The following SUPT3H variants were observed in gnomAD, a reference collection of about 807,000 sequenced individuals.
SUPT3H encodes the protein SPT3 homolog, SAGA and STAGA complex component.
Under a neutral mutation model 44.3 loss-of-function variants are expected in SUPT3H, and 44 were observed. The ratio of observed to expected loss-of-function variants is 0.99; its 90% CI spans 0.78 to 1.28. The LOEUF is 1.28. Among genes scored for constraint, SUPT3H ranks in the 50% most tolerant of loss-of-function variants. The pLI, the probability that SUPT3H is intolerant of heterozygous loss-of-function variation, is 0.00. For synonymous variants in SUPT3H, 124 were observed against 125.6 expected (o/e 0.99, Z 0.09); for missense variants, 380 against 387.1 (o/e 0.98, Z 0.15).
At chr6:45,297,263 T>C (rs1781453143) in intron 2 of SUPT3H, among the ~76,000 whole-genome samples, 1 of 152,092 alleles carries the variant, frequency 6.6e-6, no homozygotes, top group East Asian at 1.9e-4. Context: ...TTGTCTTAGG[T>C]GCAGATTTAT....
intron 6 of SUPT3H, among the ~76,000 whole-genome samples, chr6:44,967,032 A>G (rs1044256112): frequency 1.3e-5 from 2 of 152,218 alleles, no homozygotes; most frequent in African/African-American, 4.8e-5. Flanking sequence ...GGTGTCATCA[A>G]CAGCATTCTT....
intron 3 of SUPT3H, among the ~76,000 whole-genome samples, chr6:45,045,028 C>G (rs955910544): frequency 6.6e-6 from 1 of 152,062 alleles, no homozygotes; most frequent in South Asian, 2.1e-4. Context: ...AAAAGAGTGA[C>G]CAACTCCATC....
chr6:45,061,937 G>C (rs540221936), intron 3 of SUPT3H, among the ~76,000 whole-genome samples: 201 of 91,390 alleles, frequency 2.2e-3, no homozygotes, highest in African/African-American at 8.2e-3. Flanking sequence ...AATTCTAATT[G>C]AAAGGTATTA....
intron 6 of SUPT3H, among the ~76,000 whole-genome samples, chr6:44,973,103 C>T (rs532519058): frequency 6.6e-6 from 1 of 152,282 alleles, no homozygotes; most frequent in African/African-American, 2.4e-5. Flanking sequence ...GCAAATTTTC[C>T]AAAGTTTTAT....
chr6:45,290,173 C>T (rs1218029931), intron 2 of SUPT3H, among the ~76,000 whole-genome samples: 2 of 151,758 alleles, frequency 1.3e-5, no homozygotes, highest in Non-Finnish European at 2.9e-5. Flanking sequence ...GAGTGAGACC[C>T]CGTCTCAAAA....
At chr6:45,329,626 T>C (rs1787053301) in intron 2 of SUPT3H, among the ~76,000 whole-genome samples, 1 of 151,914 alleles carries the variant, frequency 6.6e-6, no homozygotes. Flanking sequence ...TAACTGCTGT[T>C]TAGTCTCATG....
chr6:44,821,147 C>T (rs1028088670), intron 11 of SUPT3H, among the ~76,000 whole-genome samples: 6 of 151,958 alleles, frequency 3.9e-5, no homozygotes, highest in East Asian at 1.9e-4. Context: ...CACTGTGGCC[C>T]GGTCTGAGAA....
rs1794214106 is a variant in SUPT3H, at chr6:45,361,299, G to T, written c.101+3902C>A. 2.0e-5 allele frequency among the ~76,000 whole-genome samples: 3 copies of T among 151,942 alleles called. No individual in the cohort carries two copies. The South Asian group carries it at 6.2e-4, about 32-fold the overall frequency. ...TAAACAAGATTTTTTCAATGTTATTGCTATTTATCCCCAAAACTCCCAATT... is the reference window on the plus strand; with the variant it reads ...TAAACAAGATTTTTTCAATGTTATTTCTATTTATCCCCAAAACTCCCAATT... On this transcript the variant is annotated intron_variant, in intron 2 of 10. Coordinates refer to ENST00000371459, the MANE Select transcript of SUPT3H (RefSeq NM_003599.4).
At chr6:45,321,922 T>A in intron 2 of SUPT3H, 5 of 1,228,582 alleles carry the variant, frequency 4.1e-6, no homozygotes, top group Non-Finnish European at 5.7e-6. Flanking sequence ...TCACCTTAGA[T>A]GGTTAAAACA....
At chr6:44,994,597 C>G (rs1407516711) in intron 6 of SUPT3H, among the ~76,000 whole-genome samples, 1 of 152,102 alleles carries the variant, frequency 6.6e-6, no homozygotes, top group East Asian at 1.9e-4. Flanking sequence ...TTTCATCCTA[C>G]TAGCTACTGC....
intron 2 of SUPT3H, among the ~76,000 whole-genome samples, chr6:45,176,652 C>T (rs1397612654): frequency 8.1e-5 from 12 of 148,428 alleles, no homozygotes; most frequent in African/African-American, 2.7e-4. Context: ...ACAGCAGTAA[C>T]CTCTGCAGAC....
intron 3 of SUPT3H, among the ~76,000 whole-genome samples, chr6:45,059,882 T>C (rs1397749312): frequency 6.6e-6 from 1 of 152,056 alleles, no homozygotes; most frequent in East Asian, 1.9e-4. Context: ...GGAATATAGC[T>C]AACAAGGGAA....
At chr6:44,933,328 C>A (rs1337153747) in intron 9 of SUPT3H, among the ~76,000 whole-genome samples, 4 of 151,874 alleles carry the variant, frequency 2.6e-5, no homozygotes, top group African/African-American at 9.7e-5. Context: ...TTTAATTTGC[C>A]GCATCTGTAA....
chr6:44,877,660 C>G (rs1404201674), intron 10 of SUPT3H, among the ~76,000 whole-genome samples: 3 of 152,156 alleles, frequency 2.0e-5, no homozygotes, highest in African/African-American at 4.8e-5. Context: ...GTGTGTGTAT[C>G]TATATATCTA....
At chr6:45,216,529 A>G (rs1054717728) in intron 2 of SUPT3H, among the ~76,000 whole-genome samples, 2 of 152,228 alleles carry the variant, frequency 1.3e-5, no homozygotes, top group African/African-American at 4.8e-5. Flanking sequence ...TTATTTTGAA[A>G]AAGATGCAAA....
At chr6:44,960,337 G>A (rs1000975141) in intron 7 of SUPT3H, among the ~76,000 whole-genome samples, 1 of 150,626 alleles carries the variant, frequency 6.6e-6, no homozygotes, top group African/African-American at 2.4e-5. Flanking sequence ...GAACCCAGGA[G>A]GAGGAGGAGG....
intron 3 of SUPT3H, among the ~76,000 whole-genome samples, chr6:45,073,465 A>G (rs1794647901): frequency 6.6e-6 from 1 of 152,030 alleles, no homozygotes; most frequent in Non-Finnish European, 1.5e-5. Flanking sequence ...TCAAAACTCA[A>G]ATCCAAAAAT....
At chr6:45,279,538 C>T (rs573562912) in intron 2 of SUPT3H, among the ~76,000 whole-genome samples, 1 of 152,254 alleles carries the variant, frequency 6.6e-6, no homozygotes, top group South Asian at 2.1e-4. Context: ...CACCTCCCCC[C>T]TTTCTGAATT....
intron 2 of SUPT3H, among the ~76,000 whole-genome samples, chr6:45,253,182 A>T (rs1423131260): frequency 1.3e-5 from 2 of 152,202 alleles, no homozygotes; most frequent in Non-Finnish European, 2.9e-5. Flanking sequence ...TAAAAAACAA[A>T]GAATTAAAGA....
Sources: gnomAD v4.1 joint callset for allele counts (sites outside exome capture counted in the v4.1 genomes callset) on GRCh38, gnomAD v4.1.1 for gene constraint, MANE v1.5 for transcripts, NCBI Gene and HGNC (gene_info 2026-07-23, HGNC 2026-07-21) for gene names.